DECR2: variants seen among roughly 807,000 people sequenced by gnomAD.
DECR2 encodes the protein 2,4-dienoyl-CoA reductase 2.
DECR2 carries 34 observed loss-of-function variants against 29.2 expected under a neutral mutation model. The observed-to-expected ratio is 1.16, with a 90% CI of 0.89 to 1.55. The LOEUF (loss-of-function observed/expected upper bound fraction) is 1.55. Ranked by LOEUF, DECR2 falls within the 40% of genes most tolerant of loss-of-function variation. DECR2 has a pLI of 0.00. For missense variants in DECR2, 485 were observed against 425.3 expected (o/e 1.14, Z -1.23); for synonymous variants, 224 against 182.7 (o/e 1.23, Z -1.82).
At position 412,005 on chromosome 16, in the gene DECR2, T is replaced by G; in HGVS notation, c.*116T>G. On this transcript the variant is annotated 3_prime_UTR_variant, in exon 9 of 9. Transcript: ENST00000219481. Reference sequence around the variant, plus strand: ...CTGAACACTCAGCTATTACTGCGCTTTCCCTCCCCACGGCCCCAACTCCAG... The same window carrying G: ...CTGAACACTCAGCTATTACTGCGCTGTCCCTCCCCACGGCCCCAACTCCAG... The G allele has an allele frequency of 6.0e-6, 1 of 165,438 alleles. No individual in the cohort carries two copies. Among genetic ancestry groups the G allele is most frequent in the East Asian group, 1.8e-4 (1 of 5,622 alleles). The allele number at this position is 165,438 out of a possible 1,614,324, so 10.2% of individuals were successfully genotyped here.
In DECR2 at chr16:402,037, T is replaced by G. The variant is rs1223595974; in HGVS notation, c.74T>G (p.Leu25Arg). The change falls in exon 1 of 9, where the codon CTG (leucine) becomes CGG (arginine). Residue 25 changes from leucine to arginine, a missense_variant. Leu to Arg is a moderately radical substitution (Grantham distance 102, BLOSUM62 -2). Coordinates refer to ENST00000219481, the MANE Select transcript of DECR2 (RefSeq NM_020664.4). The stretch of plus-strand genomic sequence containing the variant: ...TACCGCCACCTCTTCTGCCCGGACC[T>G]GCTGCGGTGAGCGGGGCCTGGGAAG... ...PAYRHLFCPD[L>R]LRDKVAFITG... 2.8e-6 allele frequency: 4 copies of G among 1,445,336 alleles called. No homozygotes were observed. The African/African-American group carries it at 4.4e-5, about 16-fold the overall frequency. The allele number at this position is 1,445,336 out of a possible 1,614,324, so 89.5% of individuals were successfully genotyped here. A position where few individuals can be genotyped will look rare whatever the true frequency, so the allele number is the denominator to read the frequency against.
chr16:407,412 A>T lies in DECR2; in HGVS notation c.202-13A>T, dbSNP rs567932026. 3 of 1,600,908 alleles carry T rather than the reference A, an allele frequency of 1.9e-6. No individual in the cohort carries two copies. Among genetic ancestry groups the T allele is most frequent in the African/African-American group, 2.7e-5 (2 of 74,728 alleles). On this transcript the variant is annotated splice_polypyrimidine_tract_variant and intron_variant, in intron 3 of 8. Transcript: ENST00000219481. The stretch of plus-strand genomic sequence containing the variant: ...CTGCAGGGCTGCTGTCTGCCTCTTT[A>T]CCTGGCTTCTAGGCCGCCAGGAAGC...
In DECR2 at chr16:408,114, T is replaced by C. The variant is rs2363761; in HGVS notation, c.337+554T>C. Among the ~76,000 whole-genome samples the C allele has an allele frequency of 1.5e-3, 12 of 7,910 alleles. 5 individuals are homozygous for C. The highest frequency in any genetic ancestry group is 0.015 in the South Asian group (2 of 134). The allele number at this position is 7,910 out of a possible 152,430, so 5.2% of individuals were successfully genotyped here. A position where few individuals can be genotyped will look rare whatever the true frequency, so the allele number is the denominator to read the frequency against. On this transcript the variant is annotated intron_variant, in intron 4 of 8. Transcript: ENST00000219481. Reference sequence around the variant, plus strand: ...GTCTCCAGCCCCCTGTCTCCGGACCTCTGTCTCCGGGCCCCTGTCTCCGGG... The same window carrying C: ...GTCTCCAGCCCCCTGTCTCCGGACCCCTGTCTCCGGGCCCCTGTCTCCGGG...
At position 410,516 on chromosome 16, in the gene DECR2, C is replaced by T. The variant is rs534724557; in HGVS notation, c.462+149C>T. On this transcript the variant is annotated intron_variant, in intron 5 of 8. Transcript: ENST00000219481. This position sits in a 1 kb window ranked among gnomAD's most constrained non-coding sequence, Gnocchi z 4.1. ...CCAGCGGGGGCCTCCCCCTGACGGC[C>T]GCCCGCTCCCTGCCCTGGGCCTCCC... is the stretch of plus-strand genomic sequence containing the variant. 16 of 1,369,378 alleles carry T rather than the reference C, an allele frequency of 1.2e-5. No homozygotes were observed. In the Admixed American group the frequency reaches 1.2e-4, roughly 10 times the overall value. 84.8% of individuals were successfully genotyped at this position (1,369,378 alleles called of 1,614,324 possible). A position where few individuals can be genotyped will look rare whatever the true frequency, so the allele number is the denominator to read the frequency against.
In DECR2 at chr16:407,482, G is replaced by A. The variant is rs151192974; in HGVS notation, c.259G>A (p.Val87Ile). ...GCGCTGCCTCCCTCTCTCTATGGAC[G>A]TCCGAGCGCCCCCAGCTGTCATGGC... ...GRRCLPLSMD[V>I]RAPPAVMAAV... Residue 87 changes from valine (V) to isoleucine (I), a missense_variant, in exon 4 of 9, where the codon GTC becomes ATC. Physicochemically the swap from Val to Ile is conservative, Grantham distance 29. Transcript: ENST00000219481. The A allele has an allele frequency of 2.5e-5, 40 of 1,613,736 alleles. No homozygotes were observed. The highest frequency in any genetic ancestry group is 2.8e-5 in the Non-Finnish European group (33 of 1,179,944).
chr16:409,120 C>T (rs955397194), intron 4 of DECR2, among the ~76,000 whole-genome samples: 1 of 151,958 alleles, frequency 6.6e-6, no homozygotes, highest in Non-Finnish European at 1.5e-5. Context: ...GCGTGAGCCG[C>T]CGCGCCTGGC....
At chr16:411,830 C>G in intron 8 of DECR2, 60 bp from the exon 9 acceptor site, 1 of 478,610 alleles carries the variant, frequency 2.1e-6, no homozygotes, top group South Asian at 3.7e-5. Flanking sequence ...GCCGAGGCAG[C>G]CGAGGTGTTT....
chr16:411,625 C>G (rs1050408449), intron 8 of DECR2, 47 bp downstream of exon 8: 1 of 1,567,308 alleles, frequency 6.4e-7, no homozygotes, highest in African/African-American at 1.3e-5. Flanking sequence ...TCCTTGGACG[C>G]TGGTCACTGC....
chr16:410,237 C>T lies in DECR2; in HGVS notation c.338-6C>T. 1 of 1,612,524 alleles carries T rather than the reference C, an allele frequency of 6.2e-7. No homozygotes were observed. On this transcript the variant is annotated splice_region_variant and splice_polypyrimidine_tract_variant and intron_variant, in intron 4 of 8. Coordinates refer to ENST00000219481, the MANE Select transcript of DECR2 (RefSeq NM_020664.4). The surrounding 1 kb of genome is among the most constrained non-coding windows in gnomAD (Gnocchi z 4.1). ...CCAGCAGCTCCTGCGGTCTCCCATT[C>T]TGCAGGTGCGGCCGGGAACTTCCTG...
At chr16:402,784 G>C (rs965451956) in intron 1 of DECR2, among the ~76,000 whole-genome samples, 1 of 151,986 alleles carries the variant, frequency 6.6e-6, no homozygotes, top group African/African-American at 2.4e-5. Context: ...AGGAGTTCGA[G>C]ACCAGCCTGG....
chr16:403,850 C>A (rs1045884330), intron 1 of DECR2, among the ~76,000 whole-genome samples: 2 of 152,158 alleles, frequency 1.3e-5, no homozygotes, highest in African/African-American at 4.8e-5. Flanking sequence ...TGCACTCCAA[C>A]CTGGATGACG....
chr16:410,419 C>T lies in DECR2; in HGVS notation c.462+52C>T, dbSNP rs771806477. The T allele has an allele frequency of 5.0e-6, 8 of 1,584,370 alleles. No homozygotes were observed. The highest frequency in any genetic ancestry group is 4.2e-5 in the African/African-American group (3 of 71,038). ...AGTTCTTCCGGGTGGGTGCCTCGTG[C>T]GCTCTGTGAGAAGTTCTTCCGGGTG... is the stretch of plus-strand genomic sequence containing the variant. On this transcript the variant is annotated intron_variant, in intron 5 of 8. Transcript: ENST00000219481. The surrounding 1 kb of genome is among the most constrained non-coding windows in gnomAD (Gnocchi z 4.1).
chr16:407,149 C>T, intron 3 of DECR2: 2 of 1,257,420 alleles, frequency 1.6e-6, no homozygotes, highest in Non-Finnish European at 2.0e-6. Flanking sequence ...CACCTCTGGT[C>T]TGCAGCAGGG....
At chr16:411,682 C>T in intron 8 of DECR2, 104 bp downstream of exon 8, 1 of 1,304,344 alleles carries the variant, frequency 7.7e-7, no homozygotes, top group Non-Finnish European at 1.0e-6. Flanking sequence ...CTCCTTTGTC[C>T]CCATCCTCCC....
At chr16:411,130 G>A (rs2054813864) in intron 7 of DECR2, 54 bp downstream of exon 7, 8 of 1,443,670 alleles carry the variant, frequency 5.5e-6, no homozygotes, top group Non-Finnish European at 6.4e-6. Context: ...GGGGCACAGG[G>A]TGCCCATGAA....
Position 410,767 on chromosome 16 carries a change from C to T in DECR2, c.539C>T (p.Ser180Phe). The change falls in exon 6 of 9, where the codon TCC becomes TTC. Residue 180 changes from serine (S) to phenylalanine (F), a missense_variant. Coordinates refer to ENST00000219481, the MANE Select transcript of DECR2 (RefSeq NM_020664.4). This position sits in a 1 kb window ranked among gnomAD's most constrained non-coding sequence, Gnocchi z 4.1. The part of the protein sequence containing the change: ...RGQALQVHAG[S>F]AKAAVDAMTR... ...CAGGCGCTCCAGGTGCATGCAGGCT[C>T]CGCCAAGGCCGCTGTGGGTATGACC... 1.2e-6 allele frequency: 2 copies of T among 1,600,034 alleles called. No individual in the cohort carries two copies. The highest frequency in any genetic ancestry group is 1.7e-6 in the Non-Finnish European group (2 of 1,175,046).
chr16:408,768 T>C (rs972082796), intron 4 of DECR2, among the ~76,000 whole-genome samples: 1 of 151,960 alleles, frequency 6.6e-6, no homozygotes, highest in South Asian at 2.1e-4. Context: ...CTTCCTGCCT[T>C]GGCCTCCCAA....
At chr16:407,710 CCAAGA>C in intron 4 of DECR2, 150 bp downstream of exon 4, 6 of 1,299,338 alleles carry the variant, frequency 4.6e-6, no homozygotes, top group Non-Finnish European at 6.3e-6. Context: ...GTACCTGAGG[CCAAGA>C]CTCAGGCTCC....
chr16:410,253 G>A lies in DECR2; in HGVS notation c.348G>A (p.Gly116=), dbSNP rs2054794367. 2 of 1,613,156 alleles carry A rather than the reference G, an allele frequency of 1.2e-6. No homozygotes were observed. The highest frequency in any genetic ancestry group is 1.7e-6 in the Non-Finnish European group (2 of 1,179,666). Residue 116 remains glycine, a synonymous_variant, in exon 5 of 9, where the codon GGG becomes GGA. Coordinates refer to ENST00000219481, the MANE Select transcript of DECR2 (RefSeq NM_020664.4). The surrounding 1 kb of genome is among the most constrained non-coding windows in gnomAD (Gnocchi z 4.1). ...RIDILINCAA[G]NFLCPAGALS... ...TCTCCCATTCTGCAGGTGCGGCCGG[G>A]AACTTCCTGTGCCCCGCTGGCGCCT...
Sources: allele counts gnomAD v4.1 joint callset (sites outside exome capture counted in the v4.1 genomes callset), GRCh38; gene constraint gnomAD v4.1.1; non-coding constraint Gnocchi (gnomAD v3.1); transcripts MANE v1.5; gene names NCBI Gene and HGNC (gene_info 2026-07-23, HGNC 2026-07-21).